CSGALNACT1: variants seen among roughly 807,000 people sequenced by gnomAD.
CSGALNACT1 encodes beta4GalNAcT-1.
A neutral mutation model predicts 51.0 loss-of-function variants in CSGALNACT1; 52 were observed. That is an observed-to-expected ratio of 1.02 (90% confidence interval 0.82 to 1.29). The LOEUF is 1.29. Ranked by LOEUF, CSGALNACT1 falls within the 50% of genes most tolerant of loss-of-function variation. The pLI, the probability that CSGALNACT1 is intolerant of heterozygous loss-of-function variation, is 0.00. For synonymous variants in CSGALNACT1, 341 were observed against 254.4 expected (o/e 1.34, Z -3.24); for missense variants, 935 against 679.2 (o/e 1.38, Z -4.19).
chr8:19,563,535 A>AT (rs2041253264), intron 3 of CSGALNACT1, among the ~76,000 whole-genome samples: 1 of 152,058 alleles, frequency 6.6e-6, no homozygotes, highest in Non-Finnish European at 1.5e-5. Flanking sequence ...GTGCCCACCC[A>AT]TTGCCTCCAC....
intron 4 of CSGALNACT1, among the ~76,000 whole-genome samples, chr8:19,489,153 G>T (rs2073802855): frequency 6.6e-6 from 1 of 152,050 alleles, no homozygotes; most frequent in Admixed American, 6.6e-5. Flanking sequence ...CCCTAGAAGA[G>T]AGAGAAGATG....
intron 4 of CSGALNACT1, among the ~76,000 whole-genome samples, chr8:19,481,195 T>C (rs2153913294): frequency 1.3e-5 from 2 of 152,250 alleles, no homozygotes; most frequent in South Asian, 4.2e-4. Flanking sequence ...TAACTTTATT[T>C]TGCCACCGTG....
chr8:19,487,583 A>G (rs1328310000), intron 4 of CSGALNACT1, among the ~76,000 whole-genome samples: 1 of 152,244 alleles, frequency 6.6e-6, no homozygotes, highest in Non-Finnish European at 1.5e-5. Context: ...GAAAAATGTC[A>G]GACTTTGAAA....
chr8:19,609,432 G>A (rs1364476217), intron 1 of CSGALNACT1, among the ~76,000 whole-genome samples: 2 of 150,818 alleles, frequency 1.3e-5, no homozygotes, highest in East Asian at 3.9e-4. Flanking sequence ...ATTTCAATGT[G>A]TTTTCATTCC....
At chr8:19,484,531 G>A (rs2072363238) in intron 4 of CSGALNACT1, among the ~76,000 whole-genome samples, 1 of 152,172 alleles carries the variant, frequency 6.6e-6, no homozygotes. Context: ...GCAAAGGCAT[G>A]TCTTACATGA....
At chr8:19,414,465 C>T (rs1024454059) in intron 8 of CSGALNACT1, among the ~76,000 whole-genome samples, 1 of 152,126 alleles carries the variant, frequency 6.6e-6, no homozygotes, top group Admixed American at 6.5e-5. Context: ...ATGAAAGCAC[C>T]AGCAAGTTTT....
intron 1 of CSGALNACT1, among the ~76,000 whole-genome samples, chr8:19,610,236 G>A (rs1183941618): frequency 7.2e-6 from 1 of 138,110 alleles, no homozygotes; most frequent in African/African-American, 2.9e-5. Context: ...GTTCCAGTGA[G>A]CCAAAATTGT....
intron 3 of CSGALNACT1, among the ~76,000 whole-genome samples, chr8:19,530,404 T>C (rs1043701876): frequency 2.0e-5 from 3 of 152,196 alleles, no homozygotes; most frequent in Non-Finnish European, 4.4e-5. Context: ...TATAATTTTA[T>C]AATATCTATA....
intron 1 of CSGALNACT1, among the ~76,000 whole-genome samples, chr8:19,711,993 T>G (rs2062535128): frequency 2.0e-5 from 3 of 152,128 alleles, no homozygotes; most frequent in African/African-American, 7.2e-5. Flanking sequence ...ACAGAAATAA[T>G]AAGTGGTGAA....
chr8:19,506,699 C>A (rs894079795), intron 3 of CSGALNACT1, among the ~76,000 whole-genome samples: 19 of 152,116 alleles, frequency 1.2e-4, no homozygotes, highest in African/African-American at 4.1e-4. Context: ...CATGAGAACT[C>A]CTTGTTGAAA....
chr8:19,629,215 G>C (rs895460175), intron 1 of CSGALNACT1, among the ~76,000 whole-genome samples: 3 of 152,190 alleles, frequency 2.0e-5, no homozygotes, highest in Non-Finnish European at 4.4e-5. Flanking sequence ...CGTTTAGTTT[G>C]ACATTAAAAA....
At chr8:19,547,213 T>C (rs1390905190) in intron 3 of CSGALNACT1, among the ~76,000 whole-genome samples, 1 of 152,184 alleles carries the variant, frequency 6.6e-6, no homozygotes, top group African/African-American at 2.4e-5. Flanking sequence ...CCTCCTTTGC[T>C]GGTATTTTTG....
At chr8:19,536,222 T>C (rs1264255188) in intron 3 of CSGALNACT1, among the ~76,000 whole-genome samples, 3 of 152,180 alleles carry the variant, frequency 2.0e-5, no homozygotes, top group East Asian at 3.8e-4. Context: ...TTAACAAATA[T>C]ATCACTCTGG....
At chr8:19,612,193 T>G (rs2052354213) in intron 1 of CSGALNACT1, among the ~76,000 whole-genome samples, 5 of 151,922 alleles carry the variant, frequency 3.3e-5, no homozygotes. Flanking sequence ...AAATACAAAA[T>G]TTAGCAGAGC....
At chr8:19,588,636 C>T (rs1013438) in intron 3 of CSGALNACT1, among the ~76,000 whole-genome samples, 122,928 of 152,212 alleles carry the variant, frequency 0.81, 49,974 homozygotes, top group East Asian at 1. Context: ...TAAGAACCCC[C>T]GCCTTCATGA....
In CSGALNACT1 at chr8:19,699,443, T is replaced by C. The variant is rs538998524; in HGVS notation, c.-297+58407A>G. ...AAAATGCTCTGATCATGAAGTGGAA[T>C]ATTACTCAGCCTTAAAAAGGAAGGA... On this transcript the variant is annotated intron_variant, in intron 1 of 1. Coordinates refer to the CSGALNACT1 transcript ENST00000517494. Among the ~76,000 whole-genome samples, 34 of 152,348 alleles carry C rather than the reference T, an allele frequency of 2.2e-4. No individual in the cohort carries two copies. In the South Asian group the frequency reaches 6.4e-3, roughly 29 times the overall value.
At chr8:19,590,871 G>C (rs2047669347) in intron 3 of CSGALNACT1, among the ~76,000 whole-genome samples, 1 of 151,878 alleles carries the variant, frequency 6.6e-6, no homozygotes, top group African/African-American at 2.4e-5. Flanking sequence ...GGCTGGTTTT[G>C]AACTCGTGAC....
chr8:19,472,639 A>G (rs2068460193), intron 4 of CSGALNACT1, among the ~76,000 whole-genome samples: 1 of 152,248 alleles, frequency 6.6e-6, no homozygotes, highest in Non-Finnish European at 1.5e-5. Context: ...AGCTCTTTCA[A>G]GGTGAATCAA....
At chr8:19,604,734 C>T (rs1171273938), upstream of CSGALNACT1, among the ~76,000 whole-genome samples, 4 of 146,760 alleles carry the variant, frequency 2.7e-5, no homozygotes, top group Admixed American at 1.4e-4. Context: ...AGTGAAACCC[C>T]GTCTCTACTT....
Sources: allele counts gnomAD v4.1 joint callset (sites outside exome capture counted in the v4.1 genomes callset), GRCh38; gene constraint gnomAD v4.1.1; transcripts MANE v1.5; gene names NCBI Gene and HGNC (gene_info 2026-07-23, HGNC 2026-07-21).